Variants in RASA1 observed in about 807,000 individuals in gnomAD.
RASA1 encodes ras GTPase-activating protein 1.
Under a neutral mutation model 132.2 loss-of-function variants are expected in RASA1, and 25 were observed. The observed-to-expected ratio is 0.19, with a 90% confidence interval of 0.14 to 0.26. The LOEUF is 0.26. Ranked by LOEUF, RASA1 falls within the 10% of genes least tolerant of loss-of-function variation. RASA1 has a pLI of 1.00. For synonymous variants in RASA1, 477 were observed against 449.9 expected, an observed-to-expected ratio of 1.06 and a Z score of -0.76; for missense variants, 964 against 1,299.2, an observed-to-expected ratio of 0.74 and a Z score of 3.97.
intron 6 of RASA1, among the ~76,000 whole-genome samples, chr5:87,341,789 A>G (rs1758486370): frequency 6.6e-6 from 1 of 152,100 alleles, no homozygotes; most frequent in Admixed American, 6.5e-5. Flanking sequence ...GATCTGAACC[A>G]TTAATCCCAA....
intron 20 of RASA1, 24 bp from the exon 21 acceptor site, chr5:87,383,689 A>G: frequency 6.3e-7 from 1 of 1,593,692 alleles, no homozygotes; most frequent in Non-Finnish European, 8.6e-7. Context: ...AAAAAAAAAA[A>G]AAAAAAATTT....
intron 20 of RASA1, among the ~76,000 whole-genome samples, chr5:87,382,106 C>T (rs1030763661): frequency 2.0e-5 from 3 of 152,148 alleles, no homozygotes; most frequent in Admixed American, 6.5e-5. Flanking sequence ...GCATGCACCA[C>T]CATACCTGGC....
intron 11 of RASA1, among the ~76,000 whole-genome samples, chr5:87,368,754 C>T (rs1358654257): frequency 6.6e-6 from 1 of 152,178 alleles, no homozygotes; most frequent in Non-Finnish European, 1.5e-5. Flanking sequence ...GTCTCAGCTA[C>T]ACAGCCAGCT....
chr5:87,297,645 G>T (rs751504200), intron 1 of RASA1, among the ~76,000 whole-genome samples: 1 of 152,316 alleles, frequency 6.6e-6, no homozygotes, highest in East Asian at 1.9e-4. Flanking sequence ...ATTAGTTTCT[G>T]TTCAAGGCAG....
At chr5:87,349,865 CAG>C (rs1395305074) in intron 8 of RASA1, among the ~76,000 whole-genome samples, 2 of 151,680 alleles carry the variant, frequency 1.3e-5, no homozygotes, top group African/African-American at 4.8e-5. Flanking sequence ...TCCCAAAACT[CAG>C]AATGAATTAT....
chr5:87,361,051 C>T (rs16902633), intron 9 of RASA1, among the ~76,000 whole-genome samples: 4,854 of 152,218 alleles, frequency 0.032, 161 homozygotes, highest in African/African-American at 0.074. Flanking sequence ...CAGAGTGATG[C>T]AGTAGAGATT....
At chr5:87,355,574 T>G (rs934032355) in intron 9 of RASA1, among the ~76,000 whole-genome samples, 1 of 152,236 alleles carries the variant, frequency 6.6e-6, no homozygotes, top group African/African-American at 2.4e-5. Flanking sequence ...ACAAGGAGAT[T>G]GTTGTTTTCA....
intron 1 of RASA1, among the ~76,000 whole-genome samples, chr5:87,287,419 C>T (rs549415488): frequency 4.3e-4 from 62 of 144,302 alleles, no homozygotes; most frequent in Non-Finnish European, 8.5e-4. Context: ...CATATATACA[C>T]CATATATACA....
intron 1 of RASA1, among the ~76,000 whole-genome samples, chr5:87,285,702 T>A (rs144965520): frequency 0.013 from 1,909 of 147,078 alleles, 32 homozygotes; most frequent in Non-Finnish European, 0.016. Flanking sequence ...ACTGCAACCC[T>A]TCACCTCCCA....
Position 87,376,511 on chromosome 5 carries a change from A to G in RASA1, c.2130A>G (p.Ala710=). 2 of 1,614,112 alleles carry G rather than the reference A, an allele frequency of 1.2e-6. No individual in the cohort carries two copies. The highest frequency in any genetic ancestry group is 1.7e-6 in the Non-Finnish European group (2 of 1,179,986). Residue 710 remains alanine, a synonymous_variant, in exon 16 of 25, where the codon GCA becomes GCG. Transcript: ENST00000274376. The part of the protein sequence containing the change: ...GIEPGSLRVR[A]RYSMEKIMPE... ...AACCAGGGTCCCTGCGTGTTCGAGC[A>G]CGATACTCTATGGAAAAAATCATGC...
At chr5:87,270,109 G>C (rs571127372) in intron 1 of RASA1, among the ~76,000 whole-genome samples, 1 of 151,624 alleles carries the variant, frequency 6.6e-6, no homozygotes, top group African/African-American at 2.4e-5. Context: ...GGACGCGGTG[G>C]CACGCGCCTA....
At chr5:87,378,868 T>C (rs1394994420) in intron 18 of RASA1, among the ~76,000 whole-genome samples, 1 of 152,204 alleles carries the variant, frequency 6.6e-6, no homozygotes, top group Admixed American at 6.5e-5. Flanking sequence ...TGACTCATTA[T>C]ATAACCTATG....
In RASA1 at chr5:87,380,607, C is replaced by CA. The variant is rs1440389396; in HGVS notation, c.2690+14dup. On this transcript the variant is annotated intron_variant, in intron 20 of 24. Coordinates refer to ENST00000274376, the MANE Select transcript of RASA1 (RefSeq NM_002890.3). Reference sequence around the variant, plus strand: ...ACAAGAGTTGTTAGGTAAGGCTCATCAATTGATTTGTTAAATCACATACTA... The same window carrying CA: ...ACAAGAGTTGTTAGGTAAGGCTCATCAAATTGATTTGTTAAATCACATACTA... The CA allele has an allele frequency of 6.3e-7, 1 of 1,596,182 alleles. No homozygotes were observed. The highest frequency in any genetic ancestry group is 2.2e-5 in the East Asian group (1 of 44,680).
At chr5:87,362,138 T>TCA (rs1760152151) in intron 9 of RASA1, among the ~76,000 whole-genome samples, 1 of 152,220 alleles carries the variant, frequency 6.6e-6, no homozygotes, top group Non-Finnish European at 1.5e-5. Flanking sequence ...ACCTAGCATT[T>TCA]CTCACAGACA....
At chr5:87,321,002 C>A (rs1350956820) in intron 1 of RASA1, among the ~76,000 whole-genome samples, 1 of 152,130 alleles carries the variant, frequency 6.6e-6, no homozygotes, top group Admixed American at 6.5e-5. Flanking sequence ...TTGTACACTT[C>A]TGAGCTATTA....
chr5:87,338,535 A>ATT lies in RASA1; in HGVS notation c.1017+444_1017+445insTT, dbSNP rs1561292521. Among the ~76,000 whole-genome samples, 67 of 95,886 alleles carry ATT rather than the reference A, an allele frequency of 7.0e-4. 5 individuals are homozygous for ATT. The highest frequency in any genetic ancestry group is 1.0e-3 in the Non-Finnish European group (52 of 51,580). The allele number at this position is 95,886 out of a possible 152,430, so 62.9% of individuals were successfully genotyped here. On this transcript the variant is annotated intron_variant, in intron 5 of 24. Transcript: ENST00000274376. ...TATATATATATATATATATATATAA[A>ATT]ATTTTTTTTTTTTTTAAGTAGAAAT...
intron 1 of RASA1, among the ~76,000 whole-genome samples, chr5:87,305,092 T>C (rs1386338500): frequency 2.6e-5 from 4 of 152,178 alleles, no homozygotes; most frequent in South Asian, 2.1e-4. Flanking sequence ...TTTGAAGATA[T>C]TCCATTCTCT....
chr5:87,342,304 G>A (rs181942772), intron 6 of RASA1, among the ~76,000 whole-genome samples: 3 of 151,894 alleles, frequency 2.0e-5, no homozygotes, highest in Admixed American at 1.3e-4. Flanking sequence ...GACCACCGGC[G>A]CACAACACCA....
chr5:87,332,910 C>G (rs1345689673), intron 3 of RASA1, among the ~76,000 whole-genome samples: 2 of 151,994 alleles, frequency 1.3e-5, no homozygotes, highest in Non-Finnish European at 2.9e-5. Flanking sequence ...TGTATGGGAA[C>G]AAATTACTGA....
Sources: gnomAD v4.1 joint callset for allele counts (sites outside exome capture counted in the v4.1 genomes callset) on GRCh38, gnomAD v4.1.1 for gene constraint, MANE v1.5 for transcripts, NCBI Gene and HGNC (gene_info 2026-07-23, HGNC 2026-07-21) for gene names.